CLEC12A: variants seen among roughly 807,000 people sequenced by gnomAD.
The protein encoded by CLEC12A is C-type lectin domain family 12 member A.
CLEC12A carries 22 observed loss-of-function variants against 26.5 expected under a neutral mutation model. That is an observed-to-expected ratio of 0.83 (90% CI 0.59 to 1.19). The LOEUF is 1.19. CLEC12A is among the 50% of genes most tolerant of loss of function. CLEC12A has a pLI of 0.00. For synonymous variants in CLEC12A, 119 were observed against 101.9 expected, an observed-to-expected ratio of 1.17 and a Z score of -1.01; for missense variants, 353 against 315.6, an observed-to-expected ratio of 1.12 and a Z score of -0.90.
the CLEC12A span, among the ~76,000 whole-genome samples, chr12:10,006,145 C>T: frequency 6.6e-6 from 1 of 152,292 alleles, no homozygotes; most frequent in African/African-American, 2.4e-5. Flanking sequence ...CAAGAATTGT[C>T]AAAGGTGATT....
the CLEC12A span, among the ~76,000 whole-genome samples, chr12:10,005,179 T>G: frequency 2.0e-5 from 3 of 152,220 alleles, no homozygotes; most frequent in African/African-American, 7.2e-5. Flanking sequence ...AATTCTATTT[T>G]CTGGGGACCA....
At chr12:9,989,506 C>A (rs1479486515), downstream of CLEC12A, among the ~76,000 whole-genome samples, 1 of 152,136 alleles carries the variant, frequency 6.6e-6, no homozygotes, top group Admixed American at 6.5e-5. Context: ...TAAGTCAAAG[C>A]CTAATCCAGA....
At chr12:9,997,153 T>C, downstream of CLEC12A, 2 of 1,613,852 alleles carry the variant, frequency 1.2e-6, no homozygotes, top group Non-Finnish European at 1.7e-6. Flanking sequence ...AAAAAAACAA[T>C]ACTTACTGAA....
In CLEC12A at chr12:9,979,471, C is replaced by T; in HGVS notation, c.326C>T (p.Thr109Ile). The change falls in exon 3 of 6, where the codon ACA becomes ATA. Residue 109 changes from threonine to isoleucine, a missense_variant. Thr to Ile is a moderately conservative substitution (Grantham distance 89, BLOSUM62 -1). Coordinates refer to ENST00000304361, the MANE Select transcript of CLEC12A (RefSeq NM_138337.6). Reference sequence around the variant, plus strand: ...AACAAGATCAGGAACCTCTCCACCACACTGCAAACAATAGCCACCAAATTA... The same window carrying T: ...AACAAGATCAGGAACCTCTCCACCATACTGCAAACAATAGCCACCAAATTA... ...ISNKIRNLSTTLQTIATKLCR... is the reference protein window; with the variant it reads ...ISNKIRNLSTILQTIATKLCR... 6.2e-7 allele frequency: 1 copy of T among 1,613,466 alleles called. No individual in the cohort carries two copies. The highest frequency in any genetic ancestry group is 8.5e-7 in the Non-Finnish European group (1 of 1,179,656).
At chr12:9,962,914 TG>T (rs1196826323) in intron 1 of CLEC12A, among the ~76,000 whole-genome samples, 2 of 152,076 alleles carry the variant, frequency 1.3e-5, no homozygotes, top group African/African-American at 4.8e-5. Context: ...GCAAAAATTT[TG>T]GGGGCTTGGT....
intron 1 of CLEC12A, chr12:9,951,912 G>A (rs1863617338): frequency 1.3e-5 from 2 of 155,304 alleles, no homozygotes; most frequent in South Asian, 4.0e-4. Flanking sequence ...CCTTATATTT[G>A]GATTTATTTT....
intron 4 of CLEC12A, among the ~76,000 whole-genome samples, chr12:9,990,631 G>A (rs967869602): frequency 6.6e-6 from 1 of 152,208 alleles, no homozygotes; most frequent in African/African-American, 2.4e-5. Flanking sequence ...TTGTTGAAAT[G>A]CTAATAAAGT....
chr12:9,995,530 A>T (rs989725589), exon 5 of CLEC12A: 14 of 379,592 alleles, frequency 3.7e-5, no homozygotes, highest in Non-Finnish European at 7.1e-5. Flanking sequence ...TGAGGATTAT[A>T]CTCCCAAATA....
chr12:9,955,973 G>C (rs1319540868), intron 1 of CLEC12A, among the ~76,000 whole-genome samples: 1 of 152,006 alleles, frequency 6.6e-6, no homozygotes, highest in Non-Finnish European at 1.5e-5. Context: ...TAAGGCAAGA[G>C]GGAAAAAAAA....
exon 5 of CLEC12A, chr12:9,995,341 G>T: frequency 2.0e-6 from 2 of 994,148 alleles, no homozygotes; most frequent in Non-Finnish European, 3.2e-6. Context: ...GACAAAAAAT[G>T]TTGGATTACA....
At chr12:10,003,965 C>T in the CLEC12A span, among the ~76,000 whole-genome samples, 8 of 152,228 alleles carry the variant, frequency 5.3e-5, no homozygotes, top group South Asian at 1.5e-3. Context: ...CTCATCTAAT[C>T]CACCCAGTGT....
upstream of CLEC12A, among the ~76,000 whole-genome samples, chr12:9,967,564 G>A (rs1490240521): frequency 6.6e-6 from 1 of 152,108 alleles, no homozygotes; most frequent in Non-Finnish European, 1.5e-5. Flanking sequence ...TGCCCATAGT[G>A]AAGGAGGCAA....
intron 4 of CLEC12A, chr12:9,993,246 G>T (rs763118730): frequency 3.0e-5 from 49 of 1,612,282 alleles, no homozygotes; most frequent in Non-Finnish European, 4.2e-5. Flanking sequence ...ATGAAAATAA[G>T]CACAATTCAT....
chr12:9,951,394 T>A (rs921960505), intron 1 of CLEC12A: 2 of 702,760 alleles, frequency 2.8e-6, no homozygotes, highest in African/African-American at 1.7e-5. Context: ...TGGGAATGGC[T>A]CCTCTCAATT....
intron 1 of CLEC12A, among the ~76,000 whole-genome samples, chr12:9,965,977 C>T (rs1426523775): frequency 3.3e-5 from 5 of 151,966 alleles, no homozygotes; most frequent in African/African-American, 7.3e-5. Context: ...GAAAAGGTGG[C>T]AATGAGGTGT....
intron 4 of CLEC12A, among the ~76,000 whole-genome samples, chr12:9,981,379 A>G (rs181519906): frequency 1.4e-3 from 211 of 152,276 alleles, no homozygotes; most frequent in African/African-American, 4.9e-3. Flanking sequence ...CATAGCAATC[A>G]TATATTTTTA....
chr12:9,953,273 C>G (rs1334550070), intron 1 of CLEC12A: 1 of 83,942 alleles, frequency 1.2e-5, no homozygotes, highest in South Asian at 4.5e-4. Flanking sequence ...TGAGGAGCCC[C>G]TCAGCCCGGC....
chr12:9,981,686 A>G (rs1445680017), intron 4 of CLEC12A, among the ~76,000 whole-genome samples: 3 of 152,042 alleles, frequency 2.0e-5, no homozygotes, highest in Non-Finnish European at 4.4e-5. Context: ...GTTTATAGCC[A>G]TTACCCACCT....
chr12:9,965,443 G>A (rs1012052376), intron 1 of CLEC12A, among the ~76,000 whole-genome samples: 8 of 150,634 alleles, frequency 5.3e-5, no homozygotes, highest in South Asian at 4.2e-4. Flanking sequence ...GAAGCCTTGC[G>A]GCAATACAGC....
Sources: gnomAD v4.1 joint callset for allele counts (sites outside exome capture counted in the v4.1 genomes callset) on GRCh38, gnomAD v4.1.1 for gene constraint, MANE v1.5 for transcripts, NCBI Gene and HGNC (gene_info 2026-07-23, HGNC 2026-07-21) for gene names.